The following PCDHGA2 variants were observed in gnomAD, a reference collection of about 807,000 sequenced individuals.
PCDHGA2 encodes the protein protocadherin gamma-A2.
A neutral mutation model predicts 59.2 loss-of-function variants in PCDHGA2; 40 were observed. That is an observed-to-expected ratio of 0.68 (90% CI 0.52 to 0.88). PCDHGA2 has a LOEUF of 0.88. Ranked by LOEUF, PCDHGA2 falls within the 40% of genes least tolerant of loss-of-function variation. PCDHGA2 has a pLI of 0.00. For missense variants in PCDHGA2, 1,226 were observed against 1,204.0 expected (o/e 1.02, Z -0.27); for synonymous variants, 560 against 526.0 (o/e 1.06, Z -0.89).
At chr5:141,365,734 T>G (rs145748099) in intron 1 of PCDHGA2, 1 of 1,613,550 alleles carries the variant, frequency 6.2e-7, no homozygotes, top group South Asian at 1.1e-5. Flanking sequence ...ATCCCAGAGG[T>G]GTCTCTATCT....
At position 141,491,578 on chromosome 5, in the gene PCDHGA2, C is replaced by T. The variant is rs1438933474; in HGVS notation, c.2425-3229C>T. 7.4e-6 allele frequency: 12 copies of T among 1,613,888 alleles called. No homozygotes were observed. The highest frequency in any genetic ancestry group is 1.0e-5 in the Non-Finnish European group (12 of 1,180,044). On this transcript the variant is annotated intron_variant, in intron 1 of 3. Coordinates refer to ENST00000394576, the MANE Select transcript of PCDHGA2 (RefSeq NM_018915.4). This position sits in a 1 kb window ranked among gnomAD's most constrained non-coding sequence, Gnocchi z 6.9. ...CCACTGCTACAGGACGTGCTTTTCA[C>T]CGGCCTCGGACGGCAGTGACTTCAC...
intron 1 of PCDHGA2, chr5:141,352,159 G>C: frequency 1.2e-6 from 2 of 1,613,054 alleles, no homozygotes; most frequent in Non-Finnish European, 1.7e-6. Context: ...ACAGGGACGC[G>C]GCCCGCCAGC....
Position 141,486,006 on chromosome 5 carries a change from C to G in PCDHGA2, c.2425-8801C>G, listed in dbSNP as rs1394484191. The G allele has an allele frequency of 1.9e-6, 3 of 1,614,190 alleles. No individual in the cohort carries two copies. The highest frequency in any genetic ancestry group is 1.1e-5 in the South Asian group (1 of 91,084). On this transcript the variant is annotated intron_variant, in intron 1 of 3. Transcript: ENST00000394576. The surrounding 1 kb of genome is among the most constrained non-coding windows in gnomAD (Gnocchi z 5.0). Reference sequence around the variant, plus strand: ...GACCTGGGTCCCAGTGGTAACGTCACCTTTTATTTCAGTGGTCATACCCCT... The same window carrying G: ...GACCTGGGTCCCAGTGGTAACGTCAGCTTTTATTTCAGTGGTCATACCCCT...
intron 1 of PCDHGA2, chr5:141,419,582 T>A (rs1474193256): frequency 6.2e-7 from 1 of 1,611,894 alleles, no homozygotes. Context: ...CTCCGCGCTC[T>A]TCGACACAGT....
chr5:141,418,513 G>A (rs377653202), intron 1 of PCDHGA2: 1 of 1,613,960 alleles, frequency 6.2e-7, no homozygotes, highest in Non-Finnish European at 8.5e-7. Flanking sequence ...TAGATGGTGG[G>A]GACCCTCCCC....
intron 1 of PCDHGA2, chr5:141,378,751 G>C (rs72790019): frequency 1.3e-5 from 2 of 152,014 alleles, no homozygotes; most frequent in African/African-American, 4.8e-5. Context: ...AAGAAAAAAG[G>C]GATTATCATT....
intron 1 of PCDHGA2, chr5:141,344,926 G>A (rs756871920): frequency 6.2e-7 from 1 of 1,613,900 alleles, no homozygotes; most frequent in South Asian, 1.1e-5. Context: ...AACTCAGTGA[G>A]TGGAGAAGTA....
chr5:141,341,691 C>G (rs1049309704), intron 1 of PCDHGA2: 12 of 560,616 alleles, frequency 2.1e-5, no homozygotes, highest in African/African-American at 1.3e-4. Context: ...TTCTCCATCC[C>G]TGGGCAAATC....
rs1048758308 is a variant in PCDHGA2 at position 141,498,931 on chromosome 5, A to T, written c.2483+4066A>T. Among the ~76,000 whole-genome samples the T allele has an allele frequency of 6.2e-4, 88 of 141,764 alleles. 1 individual carries two copies. Among genetic ancestry groups the T allele is most frequent in the Non-Finnish European group, 1.1e-3 (70 of 64,686 alleles). 93.0% of individuals were successfully genotyped at this position (141,764 alleles called of 152,430 possible). On this transcript the variant is annotated intron_variant, in intron 2 of 3. Coordinates refer to ENST00000394576, the MANE Select transcript of PCDHGA2 (RefSeq NM_018915.4). ...CTGGGTGACAGAGCGAGACTCCATC[A>T]GGAAAGAAAGAAAGAAAAAGAGAGA... is the stretch of plus-strand genomic sequence containing the variant.
At chr5:141,500,618 C>A (rs554274946) in intron 2 of PCDHGA2, among the ~76,000 whole-genome samples, 27 of 152,260 alleles carry the variant, frequency 1.8e-4, no homozygotes, top group African/African-American at 6.5e-4. Context: ...CCCAGTCATA[C>A]GGTACATTTC....
At position 141,416,146 on chromosome 5, in the gene PCDHGA2, G is replaced by T. The variant is rs114133295; in HGVS notation, c.2424+74751G>T. 4.2e-3 allele frequency: 636 copies of T among 153,236 alleles called. 7 individuals carry two copies. Among genetic ancestry groups the T allele is most frequent in the South Asian group, 0.03 (145 of 4,832 alleles). 9.5% of individuals were successfully genotyped at this position (153,236 alleles called of 1,614,324 possible). Reference sequence around the variant, plus strand: ...TATATTTTTCAATCTATACTTTGTGGTGATAGTTGCAGTTGAATATACTAA... The same window carrying T: ...TATATTTTTCAATCTATACTTTGTGTTGATAGTTGCAGTTGAATATACTAA... On this transcript the variant is annotated intron_variant, in intron 1 of 3. Transcript: ENST00000394576.
chr5:141,414,193 A>C, intron 1 of PCDHGA2: 1 of 1,610,884 alleles, frequency 6.2e-7, no homozygotes, highest in Admixed American at 1.7e-5. Context: ...AGTGTTGATT[A>C]CAGTAGAAGA....
At chr5:141,350,118 T>A in intron 1 of PCDHGA2, 2 of 585,768 alleles carry the variant, frequency 3.4e-6, no homozygotes, top group Non-Finnish European at 5.3e-6. Context: ...CTTTGTCCGG[T>A]GCACTGAGCA....
At chr5:141,371,572 A>T in intron 1 of PCDHGA2, 1 of 1,613,960 alleles carries the variant, frequency 6.2e-7, no homozygotes, top group Non-Finnish European at 8.5e-7. Context: ...TTCCCCTTTA[A>T]AATCGTTCAA....
intron 1 of PCDHGA2, chr5:141,375,289 T>C (rs760342816): frequency 6.2e-7 from 1 of 1,613,842 alleles, no homozygotes; most frequent in South Asian, 1.1e-5. Flanking sequence ...GCAATTATTA[T>C]CGATTAGTGA....
chr5:141,504,224 C>T (rs2099836716), intron 2 of PCDHGA2, among the ~76,000 whole-genome samples: 2 of 152,160 alleles, frequency 1.3e-5, no homozygotes, highest in African/African-American at 4.8e-5. Flanking sequence ...TAGAGCTGAA[C>T]CTTCTAAGAA....
intron 1 of PCDHGA2, chr5:141,351,557 A>T (rs750757830): frequency 1.2e-6 from 2 of 1,614,024 alleles, no homozygotes. Flanking sequence ...CTCCAGGACA[A>T]GCATCACCCT....
chr5:141,415,657 G>C, intron 1 of PCDHGA2: 1 of 1,576,238 alleles, frequency 6.3e-7, no homozygotes, highest in Non-Finnish European at 8.6e-7. Context: ...AAAAAAGATT[G>C]GTTTTTACTT....
intron 1 of PCDHGA2, among the ~76,000 whole-genome samples, chr5:141,483,124 G>A (rs1468216170): frequency 6.6e-6 from 1 of 152,154 alleles, no homozygotes; most frequent in East Asian, 1.9e-4. Flanking sequence ...GTCTTTGTAG[G>A]AGATGAGGTG....
Sources: allele counts gnomAD v4.1 joint callset (sites outside exome capture counted in the v4.1 genomes callset), GRCh38; gene constraint gnomAD v4.1.1; non-coding constraint Gnocchi (gnomAD v3.1); transcripts MANE v1.5; gene names NCBI Gene and HGNC (gene_info 2026-07-23, HGNC 2026-07-21).